The following DNAI2 variants were observed in gnomAD, a reference collection of about 807,000 sequenced individuals.
The protein encoded by DNAI2 is dynein axonemal intermediate chain 2.
A neutral mutation model predicts 74.7 loss-of-function variants in DNAI2; 63 were observed. The ratio of observed to expected loss-of-function variants is 0.84; its 90% CI spans 0.69 to 1.04. The LOEUF (loss-of-function observed/expected upper bound fraction) is 1.04. DNAI2 is among the 50% of genes least tolerant of loss of function. The pLI is 0.00. For missense variants in DNAI2, 688 were observed against 803.2 expected (o/e 0.86, Z 1.73); for synonymous variants, 289 against 314.9 (o/e 0.92, Z 0.87).
At chr17:74,281,766 C>T (rs759666586) in intron 1 of DNAI2, 41 bp from the exon 2 acceptor site, 2 of 1,586,572 alleles carry the variant, frequency 1.3e-6, no homozygotes, top group East Asian at 2.2e-5. Flanking sequence ...GGGAAGGGGC[C>T]GGTGGGGTCC....
At position 74,300,847 on chromosome 17, in the gene DNAI2, G is replaced by A. The variant is rs920497942; in HGVS notation, c.865-199G>A. 6.6e-6 allele frequency among the ~76,000 whole-genome samples: 1 copy of A among 152,212 alleles called. No individual in the cohort carries two copies. Among genetic ancestry groups the A allele is most frequent in the Non-Finnish European group, 1.5e-5 (1 of 68,034 alleles). On this transcript the variant is annotated intron_variant, in intron 7 of 13. Transcript: ENST00000311014. The surrounding 1 kb of genome is among the most constrained non-coding windows in gnomAD (Gnocchi z 4.5). ...TCTGGGTTGTATGAAGCTTGCCGGC[G>A]ACTCTGATGATCAGCCAGGTGTGGG... is the stretch of plus-strand genomic sequence containing the variant.
intron 3 of DNAI2, among the ~76,000 whole-genome samples, chr17:74,285,764 C>T (rs1442070488): frequency 6.6e-6 from 1 of 152,104 alleles, no homozygotes; most frequent in Admixed American, 6.6e-5. Flanking sequence ...AGAAGCATGA[C>T]TTGTCCTTTG....
At chr17:74,288,152 G>A (rs556219736) in intron 4 of DNAI2, among the ~76,000 whole-genome samples, 1 of 152,280 alleles carries the variant, frequency 6.6e-6, no homozygotes, top group African/African-American at 2.4e-5. Flanking sequence ...AGGAGAAACC[G>A]TACTTCAAGT....
At chr17:74,304,191 T>C (rs189277462) in intron 8 of DNAI2, among the ~76,000 whole-genome samples, 417 of 121,824 alleles carry the variant, frequency 3.4e-3, no homozygotes, top group Non-Finnish European at 4.9e-3. Flanking sequence ...TTTTTCTTTT[T>C]TTTTTTTTTT....
intron 1 of DNAI2, among the ~76,000 whole-genome samples, chr17:74,274,685 A>T (rs2050955025): frequency 6.6e-6 from 1 of 152,208 alleles, no homozygotes; most frequent in Admixed American, 6.5e-5. Flanking sequence ...ATGGAAAAAA[A>T]AGAAGAAAAA....
intron 1 of DNAI2, among the ~76,000 whole-genome samples, chr17:74,276,406 G>A (rs2051085140): frequency 6.6e-6 from 1 of 152,084 alleles, no homozygotes; most frequent in South Asian, 2.1e-4. Flanking sequence ...AACTCCAGAG[G>A]GCAGTGACAC....
chr17:74,313,960 C>A lies in DNAI2; in HGVS notation c.1723-161C>A, dbSNP rs2053679085. 1.4e-5 allele frequency: 16 copies of A among 1,107,040 alleles called. No homozygotes were observed. In the South Asian group the frequency reaches 1.9e-4, roughly 13 times the overall value. 68.6% of individuals were successfully genotyped at this position (1,107,040 alleles called of 1,614,324 possible). A position where few individuals can be genotyped will look rare whatever the true frequency, so the allele number is the denominator to read the frequency against. ...CTGCCCACTTTCCGCACTGTCTGGG[C>A]CCTCACCAGCCGCAGAGCTGGCACC... On this transcript the variant is annotated intron_variant, in intron 12 of 13. Transcript: ENST00000311014.
At chr17:74,289,017 G>A (rs1288378456) in intron 4 of DNAI2, among the ~76,000 whole-genome samples, 1 of 152,176 alleles carries the variant, frequency 6.6e-6, no homozygotes, top group Admixed American at 6.5e-5. Flanking sequence ...ACTGACTTAG[G>A]GGCCTGGGAA....
At chr17:74,304,385 T>C (rs1337975092) in intron 8 of DNAI2, among the ~76,000 whole-genome samples, 1 of 151,750 alleles carries the variant, frequency 6.6e-6, no homozygotes, top group Non-Finnish European at 1.5e-5. Flanking sequence ...CCTACCTCAC[T>C]CAGCTGTTCT....
intron 6 of DNAI2, among the ~76,000 whole-genome samples, chr17:74,291,777 A>G (rs1226459463): frequency 1.3e-5 from 2 of 152,168 alleles, no homozygotes; most frequent in African/African-American, 4.8e-5. Flanking sequence ...TTTCTGGGAA[A>G]CCTACATGCT....
At chr17:74,309,581 T>G (rs1202588666) in intron 10 of DNAI2, 193 bp downstream of exon 10, 1 of 788,128 alleles carries the variant, frequency 1.3e-6, no homozygotes, top group Admixed American at 2.0e-5. Context: ...TTAAGGGGCC[T>G]GGGGGATTTG....
At chr17:74,309,748 CA>C (rs1348552900) in intron 10 of DNAI2, 1 of 633,684 alleles carries the variant, frequency 1.6e-6, no homozygotes, top group East Asian at 2.8e-5. Context: ...AGCTGAGCCC[CA>C]CTGGCTGGGG....
At chr17:74,279,016 A>G (rs1381353795) in intron 1 of DNAI2, among the ~76,000 whole-genome samples, 1 of 151,824 alleles carries the variant, frequency 6.6e-6, no homozygotes, top group Non-Finnish European at 1.5e-5. Flanking sequence ...AAATACAAAA[A>G]ATTAGCCGGG....
chr17:74,305,203 G>A lies in DNAI2; in HGVS notation c.988-16G>A, dbSNP rs367982356. On this transcript the variant is annotated splice_polypyrimidine_tract_variant and intron_variant, in intron 8 of 13. Coordinates refer to ENST00000311014, the MANE Select transcript of DNAI2 (RefSeq NM_023036.6). ...GGTTCGTGGAGTCTTCCCCTCCTGT[G>A]TCACTCCTTCCACAGCCCACCAAGT... is the stretch of plus-strand genomic sequence containing the variant. The A allele has an allele frequency of 1.2e-4, 196 of 1,613,614 alleles. No homozygotes were observed. Among genetic ancestry groups the A allele is most frequent in the Non-Finnish European group, 1.6e-4 (194 of 1,179,712 alleles).
At chr17:74,296,284 G>A (rs62065709) in intron 6 of DNAI2, among the ~76,000 whole-genome samples, 48,887 of 147,940 alleles carry the variant, frequency 0.33, 8,799 homozygotes, top group Non-Finnish European at 0.42. Flanking sequence ...AAACTAGCCT[G>A]TGCAGCATAG....
chr17:74,295,300 G>C (rs1036684164), intron 6 of DNAI2, among the ~76,000 whole-genome samples: 1 of 151,414 alleles, frequency 6.6e-6, no homozygotes, highest in Non-Finnish European at 1.5e-5. Flanking sequence ...TACTTGGGAG[G>C]CTGAGGCAAG....
chr17:74,314,416 C>T lies in DNAI2; in HGVS notation c.*55+145C>T, dbSNP rs1055946721. ...TCACTGGGCACTGAGTCCTGAGCCA[C>T]CCCTTGGAGAGAGGGAAGGGGCGGG... On this transcript the variant is annotated intron_variant, in intron 13 of 13. Coordinates refer to ENST00000311014, the MANE Select transcript of DNAI2 (RefSeq NM_023036.6). 46 of 1,139,872 alleles carry T rather than the reference C, an allele frequency of 4.0e-5. No individual in the cohort carries two copies. In the African/African-American group the frequency reaches 6.7e-4, roughly 17 times the overall value. 70.6% of individuals were successfully genotyped at this position (1,139,872 alleles called of 1,614,324 possible).
At chr17:74,310,488 G>T (rs2144116970) in intron 11 of DNAI2, among the ~76,000 whole-genome samples, 1 of 151,334 alleles carries the variant, frequency 6.6e-6, no homozygotes, top group South Asian at 2.1e-4. Flanking sequence ...ACTTTCCAAT[G>T]AAGGCTTAGT....
chr17:74,279,941 G>A (rs1237870756), intron 1 of DNAI2, among the ~76,000 whole-genome samples: 1 of 152,150 alleles, frequency 6.6e-6, no homozygotes, highest in Non-Finnish European at 1.5e-5. Flanking sequence ...TTTGTCCTAA[G>A]GCTCTGTGCA....
Sources: gnomAD v4.1 joint callset for allele counts (sites outside exome capture counted in the v4.1 genomes callset) on GRCh38, gnomAD v4.1.1 for gene constraint, Gnocchi (gnomAD v3.1) non-coding constraint, MANE v1.5 for transcripts, NCBI Gene and HGNC (gene_info 2026-07-23, HGNC 2026-07-21) for gene names.